TECPR1: variants seen among roughly 807,000 people sequenced by gnomAD.
TECPR1 encodes the protein tectonin beta-propeller repeat containing 1.
Under a neutral mutation model 162.4 loss-of-function variants are expected in TECPR1, and 122 were observed. The observed-to-expected ratio is 0.75, with a 90% CI of 0.65 to 0.87. The LOEUF is 0.87. TECPR1 is among the 40% of genes least tolerant of loss of function. The pLI is 0.00. For synonymous variants in TECPR1, 642 were observed against 670.6 expected (o/e 0.96, Z 0.66); for missense variants, 1,432 against 1,618.2 (o/e 0.88, Z 1.97).
chr7:98,219,702 G>A (rs1194622259), intron 23 of TECPR1, among the ~76,000 whole-genome samples: 9 of 152,066 alleles, frequency 5.9e-5, no homozygotes, highest in Admixed American at 5.9e-4. Flanking sequence ...GAGAGTTCGA[G>A]ACCAGCCTGA....
chr7:98,247,632 G>T (rs561540866), intron 2 of TECPR1, among the ~76,000 whole-genome samples: 1 of 152,188 alleles, frequency 6.6e-6, no homozygotes, highest in Admixed American at 6.5e-5. Flanking sequence ...GGGACGTAGG[G>T]GTCTTTTCTT....
intron 19 of TECPR1, among the ~76,000 whole-genome samples, chr7:98,224,472 G>A (rs1217112591): frequency 2.0e-5 from 3 of 152,188 alleles, no homozygotes; most frequent in Admixed American, 1.3e-4. Flanking sequence ...CCTCAGTCTG[G>A]TGCCCTGGGT....
At position 98,236,820 on chromosome 7, in the gene TECPR1, T is replaced by C; in HGVS notation, c.1137A>G (p.Arg379=). ...GKTWKAIIAA[R]ECDRSHSGSS... ...TGCCAGAGTGTGACCGGTCACACTC[T>C]CGGGCCGCGATGATGGCTTTCCAGG... is the stretch of plus-strand genomic sequence containing the variant. The change falls in exon 10 of 26, where the codon CGA becomes CGG. Residue 379 remains arginine, a synonymous_variant. Coordinates refer to ENST00000447648, the MANE Select transcript of TECPR1 (RefSeq NM_015395.3). 1.3e-6 allele frequency: 2 copies of C among 1,587,018 alleles called. No homozygotes were observed. Among genetic ancestry groups the C allele is most frequent in the South Asian group, 1.2e-5 (1 of 86,806 alleles).
At chr7:98,218,070 G>T in intron 23 of TECPR1, 28 bp from the exon 24 acceptor site, 1 of 1,530,334 alleles carries the variant, frequency 6.5e-7, no homozygotes, top group South Asian at 1.2e-5. Context: ...GAGGGTCAAA[G>T]GGGAAGACCT....
At chr7:98,226,305 A>T (rs1418827911) in intron 17 of TECPR1, among the ~76,000 whole-genome samples, 1 of 152,250 alleles carries the variant, frequency 6.6e-6, no homozygotes, top group African/African-American at 2.4e-5. Context: ...CCCCTGATTT[A>T]CTGGGGTAAA....
chr7:98,233,985 C>T (rs1798527639), intron 10 of TECPR1, 74 bp from the exon 11 acceptor site: 17 of 1,454,008 alleles, frequency 1.2e-5, no homozygotes, highest in South Asian at 4.4e-5. Context: ...CCAGCTCCAG[C>T]GTGCTCCACC....
At chr7:98,247,779 G>GTC (rs1411473915) in intron 2 of TECPR1, among the ~76,000 whole-genome samples, 1 of 152,116 alleles carries the variant, frequency 6.6e-6, no homozygotes, top group Non-Finnish European at 1.5e-5. Context: ...CTGGAGTACA[G>GTC]TGGTGCAATC....
At chr7:98,242,229 T>A (rs1175592063) in intron 6 of TECPR1, among the ~76,000 whole-genome samples, 3 of 152,190 alleles carry the variant, frequency 2.0e-5, no homozygotes, top group African/African-American at 7.2e-5. Context: ...GGTCAATGCG[T>A]GGTGAGAGCG....
At chr7:98,244,502 A>G in intron 5 of TECPR1, 69 bp downstream of exon 5, 1 of 1,529,278 alleles carries the variant, frequency 6.5e-7, no homozygotes, top group Non-Finnish European at 8.8e-7. Context: ...GGGAAGGTGG[A>G]GAGGAGGCTG....
chr7:98,233,167 C>T (rs985825830), intron 11 of TECPR1, 195 bp from the exon 12 acceptor site: 17 of 799,378 alleles, frequency 2.1e-5, no homozygotes, highest in Admixed American at 6.5e-5. Context: ...CAGCCACCAC[C>T]GCTAGCACAG....
chr7:98,222,278 G>C, intron 22 of TECPR1, 108 bp downstream of exon 22: 3 of 1,431,150 alleles, frequency 2.1e-6, no homozygotes, highest in Non-Finnish European at 2.8e-6. Flanking sequence ...TCCCACTTCT[G>C]GGGGAAGTCC....
chr7:98,231,445 T>G, intron 13 of TECPR1, 72 bp from the exon 14 acceptor site: 1 of 1,486,328 alleles, frequency 6.7e-7, no homozygotes, highest in Non-Finnish European at 9.1e-7. Flanking sequence ...ACCCCCACTG[T>G]GCTTCACCCT....
Position 98,251,470 on chromosome 7 carries a change from T to G in TECPR1, c.-96A>C, listed in dbSNP as rs1367673357. On this transcript the variant is annotated 5_prime_UTR_variant, in exon 2 of 26. Transcript: ENST00000447648. The stretch of plus-strand genomic sequence containing the variant: ...ATTACACTGTCACTCCCATCCGGTA[T>G]GCAAACAGTCGGCAATGCCTACTAC... 1 of 152,274 alleles carries G rather than the reference T, an allele frequency of 6.6e-6. No individual in the cohort carries two copies. Among genetic ancestry groups the G allele is most frequent in the African/African-American group, 2.4e-5 (1 of 41,464 alleles). The allele number at this position is 152,274 out of a possible 1,614,324, so 9.4% of individuals were successfully genotyped here.
At chr7:98,240,766 G>C (rs1202129526) in intron 8 of TECPR1, 85 bp downstream of exon 8, 1 of 1,165,886 alleles carries the variant, frequency 8.6e-7, no homozygotes, top group African/African-American at 1.6e-5. Context: ...TGTCACCCAG[G>C]CTGGAGTCCA....
chr7:98,234,565 C>T (rs1455119473), intron 10 of TECPR1, among the ~76,000 whole-genome samples: 3 of 152,192 alleles, frequency 2.0e-5, no homozygotes, highest in Non-Finnish European at 4.4e-5. Context: ...AGTGGATGTG[C>T]TGGCTCACAT....
intron 2 of TECPR1, 105 bp from the exon 3 acceptor site, chr7:98,246,270 CTTT>C (rs36097167): frequency 1.9e-3 from 1,051 of 561,924 alleles, no homozygotes; most frequent in Middle Eastern, 3.4e-3. Flanking sequence ...TTCTTTTTCT[CTTT>C]TTTTTTTTTT....
chr7:98,244,784 C>A, intron 4 of TECPR1, 91 bp from the exon 5 acceptor site: 1 of 1,580,860 alleles, frequency 6.3e-7, no homozygotes, highest in Non-Finnish European at 8.6e-7. Context: ...GCCTGAAACA[C>A]CCGAGCTCAG....
At position 98,241,009 on chromosome 7, in the gene TECPR1, G is replaced by A. The variant is rs947754547; in HGVS notation, c.833-58C>T. On this transcript the variant is annotated intron_variant, in intron 7 of 25. Transcript: ENST00000447648. The surrounding 1 kb of genome is among the most constrained non-coding windows in gnomAD (Gnocchi z 5.0). ...CCATCAGCCTGGACAGCTGGGGAGC[G>A]AGTGACCCTCACCCTTCTCCCCAGT... 57 of 1,585,044 alleles carry A rather than the reference G, an allele frequency of 3.6e-5. No individual in the cohort carries two copies. Among genetic ancestry groups the A allele is most frequent in the Non-Finnish European group, 4.3e-5 (50 of 1,166,382 alleles).
At position 98,231,233 on chromosome 7, in the gene TECPR1, C is replaced by T; in HGVS notation, c.2115G>A (p.Met705Ile). Reference sequence around the variant, plus strand: ...ACCACCGACCACTCACCCAGTCATTCATGTCCTGCTCGGTGGCAGCAGCCA... The same window carrying T: ...ACCACCGACCACTCACCCAGTCATTTATGTCCTGCTCGGTGGCAGCAGCCA... ...VRLAAATEQD[M>I]NDWLALLSLS... The change falls in exon 14 of 26, where the codon ATG becomes ATA. Residue 705 changes from methionine to isoleucine, a missense_variant. Met to Ile is a conservative substitution (Grantham distance 10). Transcript: ENST00000447648. 2 of 1,612,706 alleles carry T rather than the reference C, an allele frequency of 1.2e-6. No individual in the cohort carries two copies. The highest frequency in any genetic ancestry group is 1.7e-6 in the Non-Finnish European group (2 of 1,179,762).
Sources: gnomAD v4.1 joint callset for allele counts (sites outside exome capture counted in the v4.1 genomes callset) on GRCh38, gnomAD v4.1.1 for gene constraint, Gnocchi (gnomAD v3.1) non-coding constraint, MANE v1.5 for transcripts, NCBI Gene and HGNC (gene_info 2026-07-23, HGNC 2026-07-21) for gene names.